The following ATG10 variants were observed in gnomAD, a reference collection of about 807,000 sequenced individuals.
The protein encoded by ATG10 is autophagy related 10, also known as ubiquitin-like-conjugating enzyme ATG10.
In ATG10, 30 loss-of-function variants were observed where a neutral mutation model predicts 32.1. The ratio of observed to expected loss-of-function variants is 0.94; its 90% CI spans 0.70 to 1.27. The LOEUF is 1.27. Ranked by LOEUF, ATG10 falls within the 50% of genes most tolerant of loss-of-function variation. The pLI is 0.00. For synonymous variants in ATG10, 87 were observed against 91.5 expected (o/e 0.95, Z 0.28); for missense variants, 233 against 262.3 (o/e 0.89, Z 0.77).
rs1311044928 is a variant in ATG10 at position 82,010,188 on chromosome 5, C to T, written c.108+22510C>T. 6.8e-6 allele frequency: 7 copies of T among 1,022,434 alleles called. No homozygotes were observed. The East Asian group carries it at 1.2e-4, about 18-fold the overall frequency. 63.3% of individuals were successfully genotyped at this position (1,022,434 alleles called of 1,614,324 possible). The stretch of plus-strand genomic sequence containing the variant: ...AGGTCTTGGAGAATGTTTCCAAGTA[C>T]AGACAAAATTCTGATTATGAATATC... On this transcript the variant is annotated intron_variant, in intron 2 of 7. Transcript: ENST00000282185.
chr5:82,216,724 T>C (rs1432940982), intron 5 of ATG10, among the ~76,000 whole-genome samples: 3 of 152,160 alleles, frequency 2.0e-5, no homozygotes, highest in African/African-American at 7.2e-5. Flanking sequence ...ATTAGGAGTT[T>C]CATTAGATTT....
At chr5:82,011,089 T>C (rs902414718) in intron 2 of ATG10, among the ~76,000 whole-genome samples, 2 of 152,192 alleles carry the variant, frequency 1.3e-5, no homozygotes, top group African/African-American at 2.4e-5. Flanking sequence ...TTATACAAAG[T>C]TTAATTATGT....
intron 5 of ATG10, among the ~76,000 whole-genome samples, chr5:82,247,010 G>C (rs750700461): frequency 6.6e-6 from 1 of 152,084 alleles, no homozygotes; most frequent in Non-Finnish European, 1.5e-5. Flanking sequence ...AGCTGTTTTT[G>C]AATTGTTATT....
chr5:82,008,712 C>T (rs1246594679), intron 2 of ATG10, among the ~76,000 whole-genome samples: 1 of 152,112 alleles, frequency 6.6e-6, no homozygotes, highest in Non-Finnish European at 1.5e-5. Context: ...GTTTATCAAG[C>T]CCAGGATCTG....
intron 3 of ATG10, among the ~76,000 whole-genome samples, chr5:82,146,532 T>A (rs1331597033): frequency 6.6e-6 from 1 of 151,954 alleles, no homozygotes; most frequent in Non-Finnish European, 1.5e-5. Context: ...TCTAAACTGT[T>A]CTTCTAGGAC....
At chr5:82,022,155 C>T (rs1255621200) in intron 2 of ATG10, among the ~76,000 whole-genome samples, 1 of 150,738 alleles carries the variant, frequency 6.6e-6, no homozygotes, top group Admixed American at 6.6e-5. Context: ...CGCCACTGCA[C>T]TCCAGCCTGG....
chr5:82,077,706 G>A (rs778315008), intron 3 of ATG10, among the ~76,000 whole-genome samples: 2 of 152,144 alleles, frequency 1.3e-5, no homozygotes, highest in Non-Finnish European at 2.9e-5. Flanking sequence ...TTGCATCACC[G>A]TCATGAATGA....
At chr5:82,193,044 C>A (rs1313809076) in intron 5 of ATG10, among the ~76,000 whole-genome samples, 1 of 152,166 alleles carries the variant, frequency 6.6e-6, no homozygotes, top group Non-Finnish European at 1.5e-5. Context: ...TGGCAGATCA[C>A]AATAGGTATG....
chr5:82,220,464 G>T (rs1475694387), intron 5 of ATG10, among the ~76,000 whole-genome samples: 3 of 151,756 alleles, frequency 2.0e-5, no homozygotes, highest in Admixed American at 1.3e-4. Flanking sequence ...GGGTTTCACT[G>T]TGTTAGCCAG....
rs763904238 is a variant in ATG10, at chr5:82,130,040, C to T, written c.217-34359C>T. Among the ~76,000 whole-genome samples, 29 of 152,290 alleles carry T rather than the reference C, an allele frequency of 1.9e-4. 1 individual carries two copies. The highest frequency in any genetic ancestry group is 6.8e-3 in the Middle Eastern group (2 of 294). ...CTGCCTGTTTTTCAGAGATGCCCTGCCTAGAGAGGAGGAACCTAGAGAGAC... is the reference window on the plus strand; with the variant it reads ...CTGCCTGTTTTTCAGAGATGCCCTGTCTAGAGAGGAGGAACCTAGAGAGAC... On this transcript the variant is annotated intron_variant, in intron 3 of 7. Coordinates refer to ENST00000282185, the MANE Select transcript of ATG10 (RefSeq NM_031482.5).
intron 3 of ATG10, among the ~76,000 whole-genome samples, chr5:82,068,638 A>G (rs10942290): frequency 0.24 from 35,023 of 148,640 alleles, 4,340 homozygotes; most frequent in African/African-American, 0.32. Context: ...TTCATGAAGA[A>G]TTTCTGAGGA....
At chr5:82,009,153 G>T (rs144423746) in intron 2 of ATG10, among the ~76,000 whole-genome samples, 2 of 152,260 alleles carry the variant, frequency 1.3e-5, no homozygotes, top group Non-Finnish European at 1.5e-5. Context: ...ACGGTTAAAA[G>T]ACTCTTTCTC....
Position 82,136,218 on chromosome 5 carries a change from C to G in ATG10, c.217-28181C>G, listed in dbSNP as rs141025254. ...GTCTTTTAATTGGGGGCATTTAGCT[C>G]ATTTAGATTTATGGTTAATATTGTT... is the stretch of plus-strand genomic sequence containing the variant. On this transcript the variant is annotated intron_variant, in intron 3 of 7. Coordinates refer to ENST00000282185, the MANE Select transcript of ATG10 (RefSeq NM_031482.5). 8.7e-3 allele frequency among the ~76,000 whole-genome samples: 1,323 copies of G among 152,168 alleles called. 17 individuals carry two copies. The highest frequency in any genetic ancestry group is 0.03 in the African/African-American group (1,252 of 41,502).
At chr5:82,140,455 CGTCCGGG>C (rs1767057682) in intron 3 of ATG10, among the ~76,000 whole-genome samples, 1 of 3,100 alleles carries the variant, frequency 3.2e-4, no homozygotes, top group African/African-American at 5.6e-4. Context: ...CCAGCCACCC[CGTCCGGG>C]AGGTGAGGGG....
At chr5:82,096,474 T>C (rs908472638) in intron 3 of ATG10, among the ~76,000 whole-genome samples, 4 of 152,198 alleles carry the variant, frequency 2.6e-5, no homozygotes, top group Admixed American at 2.0e-4. Flanking sequence ...CAATACTCCT[T>C]TGCAATTTCT....
chr5:82,141,951 C>T (rs1767168276), intron 3 of ATG10, among the ~76,000 whole-genome samples: 2 of 152,194 alleles, frequency 1.3e-5, no homozygotes, highest in East Asian at 1.9e-4. Context: ...GTCACGTTAG[C>T]CTATTTTTAA....
intron 5 of ATG10, among the ~76,000 whole-genome samples, chr5:82,179,904 T>C (rs2407065): frequency 0.25 from 37,843 of 151,942 alleles, 6,271 homozygotes; most frequent in African/African-American, 0.48. Context: ...AAAACTAGCT[T>C]TAGGTATTTG....
intron 2 of ATG10, among the ~76,000 whole-genome samples, chr5:82,014,278 T>A (rs925873045): frequency 5.3e-5 from 8 of 152,212 alleles, no homozygotes; most frequent in African/African-American, 1.9e-4. Context: ...ATAAGTGCGA[T>A]GTGGTGCTGA....
In ATG10 at chr5:82,188,622, G is replaced by C. The variant is rs184990086; in HGVS notation, c.453+10035G>C. On this transcript the variant is annotated intron_variant, in intron 5 of 7. Transcript: ENST00000282185. ...AGTTTTTGAGAAAGAGGTTAATGGC[G>C]GGTACACAATAAAGCAACAGCTTGG... Among the ~76,000 whole-genome samples the C allele has an allele frequency of 2.2e-4, 33 of 152,158 alleles. No individual in the cohort carries two copies. The East Asian group carries it at 4.2e-3, about 20-fold the overall frequency.
Sources: gnomAD v4.1 joint callset for allele counts (sites outside exome capture counted in the v4.1 genomes callset) on GRCh38, gnomAD v4.1.1 for gene constraint, MANE v1.5 for transcripts, NCBI Gene and HGNC (gene_info 2026-07-23, HGNC 2026-07-21) for gene names.